Variants in ABCA9 observed in about 807,000 individuals in gnomAD.
ABCA9 encodes the protein ATP-binding cassette sub-family A member 9.
Under a neutral mutation model 205.3 loss-of-function variants are expected in ABCA9, and 183 were observed. That is an observed-to-expected ratio of 0.89 (90% CI 0.79 to 1.01). The LOEUF (loss-of-function observed/expected upper bound fraction) is 1.01. ABCA9 is among the 50% of genes least tolerant of loss of function. ABCA9 has a pLI of 0.00. For synonymous variants in ABCA9, 651 were observed against 683.3 expected (o/e 0.95, Z 0.74); for missense variants, 1,805 against 1,912.4 (o/e 0.94, Z 1.05).
chr17:69,013,421 T>C (rs180977237), intron 22 of ABCA9, among the ~76,000 whole-genome samples: 181 of 152,156 alleles, frequency 1.2e-3, no homozygotes, highest in African/African-American at 4.2e-3. Flanking sequence ...TGTCTAAAGA[T>C]GTGTTTGTGT....
the ABCA9 span, among the ~76,000 whole-genome samples, chr17:69,070,225 T>C: frequency 3.9e-5 from 6 of 152,018 alleles, no homozygotes; most frequent in African/African-American, 1.4e-4. Flanking sequence ...ATATAATAGA[T>C]AAGAAAAAGA....
intron 29 of ABCA9, among the ~76,000 whole-genome samples, chr17:68,990,492 C>G (rs2069412117): frequency 6.6e-6 from 1 of 152,188 alleles, no homozygotes; most frequent in African/African-American, 2.4e-5. Context: ...AGTGAGCTTC[C>G]AGCCTCAGCC....
Position 69,016,361 on chromosome 17 carries a change from T to A in ABCA9, c.2931A>T (p.Thr977=), listed in dbSNP as rs369150718. 2.5e-6 allele frequency: 4 copies of A among 1,600,606 alleles called. No individual in the cohort carries two copies. The Admixed American group carries it at 5.3e-5, about 21-fold the overall frequency. Residue 977 remains threonine (T), a synonymous_variant, in exon 22 of 39, where the codon ACA becomes ACT. Transcript: ENST00000340001. ...KDHRFSIACN[T]KRLNCFPVLL... Reference sequence around the variant, plus strand: ...GGACAGGAAAGCAATTCAGCCGTTTTGTATTACATGCTATTGAAAATCTGT... The same window carrying A: ...GGACAGGAAAGCAATTCAGCCGTTTAGTATTACATGCTATTGAAAATCTGT...
intron 8 of ABCA9, 174 bp downstream of exon 8, chr17:69,035,072 T>G: frequency 4.2e-6 from 2 of 473,768 alleles, no homozygotes; most frequent in Admixed American, 4.3e-5. Flanking sequence ...ATTTAGTGAC[T>G]TATGGGGAAA....
At chr17:69,074,326 C>T in the ABCA9 span, among the ~76,000 whole-genome samples, 1 of 152,232 alleles carries the variant, frequency 6.6e-6, no homozygotes, top group Non-Finnish European at 1.5e-5. Context: ...TTGCATGATG[C>T]TGTGTTTGGG....
intron 25 of ABCA9, among the ~76,000 whole-genome samples, chr17:69,004,226 G>T (rs1173547486): frequency 6.6e-6 from 1 of 152,170 alleles, no homozygotes; most frequent in African/African-American, 2.4e-5. Flanking sequence ...TTTCTGTTCT[G>T]TTTTTTCCCC....
chr17:69,001,020 G>A (rs1392749320), intron 25 of ABCA9, among the ~76,000 whole-genome samples: 1 of 152,046 alleles, frequency 6.6e-6, no homozygotes. Flanking sequence ...GAGATTTTGG[G>A]CTGAGACAGT....
intron 26 of ABCA9, 21 bp downstream of exon 26, chr17:68,995,874 G>C: frequency 6.2e-7 from 1 of 1,612,628 alleles, no homozygotes; most frequent in East Asian, 2.2e-5. Flanking sequence ...ATGACCCTCA[G>C]ACAGAAGTGG....
rs545540042 is a variant in ABCA9 at position 69,054,904 on chromosome 17, A to G, written c.-13-3765T>C. Among the ~76,000 whole-genome samples the G allele has an allele frequency of 3.3e-5, 5 of 152,270 alleles. No individual in the cohort carries two copies. The East Asian group carries it at 7.7e-4, about 23-fold the overall frequency. On this transcript the variant is annotated intron_variant, in intron 1 of 38. Coordinates refer to ENST00000340001, the MANE Select transcript of ABCA9 (RefSeq NM_080283.4). ...TGACTTGGATTAATTGTAAATATATATTGCAAACTCTAAGGATTTAATTTG... is the reference window on the plus strand; with the variant it reads ...TGACTTGGATTAATTGTAAATATATGTTGCAAACTCTAAGGATTTAATTTG...
At chr17:69,049,092 A>C (rs1188996595) in intron 3 of ABCA9, among the ~76,000 whole-genome samples, 191 bp downstream of exon 3, 1 of 152,216 alleles carries the variant, frequency 6.6e-6, no homozygotes, top group African/African-American at 2.4e-5. Flanking sequence ...AACCCTTTTA[A>C]TATGGAATTT....
intron 6 of ABCA9, among the ~76,000 whole-genome samples, chr17:69,039,931 T>C (rs549235012): frequency 1.3e-5 from 2 of 152,276 alleles, no homozygotes; most frequent in East Asian, 1.9e-4. Flanking sequence ...AAGACACTTA[T>C]GCAGCCAACA....
At position 69,044,513 on chromosome 17, in the gene ABCA9, T is replaced by G. The variant is rs202186227; in HGVS notation, c.557A>C (p.Asn186Thr). Residue 186 changes from asparagine (N) to threonine (T), a missense_variant, in exon 5 of 39, where the codon AAT (asparagine) becomes ACT (threonine). Transcript: ENST00000340001. The stretch of plus-strand genomic sequence containing the variant: ...TATACTCACTTCTATGATAGCAGCA[T>G]TAATGGCAGCTTGAAAAGCTACAAA... The part of the protein sequence containing the change: ...KGFVAFQAAI[N>T]AAIIEIATNH... 6.2e-7 allele frequency: 1 copy of G among 1,613,046 alleles called. No individual in the cohort carries two copies.
chr17:69,062,913 A>G (rs1246885572), upstream of ABCA9, among the ~76,000 whole-genome samples: 2 of 111,812 alleles, frequency 1.8e-5, no homozygotes, highest in African/African-American at 5.0e-5. Context: ...ACCATAATGT[A>G]CACTTTTTTT....
upstream of ABCA9, among the ~76,000 whole-genome samples, chr17:69,065,822 G>A (rs749218603): frequency 2.0e-4 from 31 of 152,126 alleles, no homozygotes; most frequent in Admixed American, 1.4e-3. Context: ...CCTTGTGGGA[G>A]GTAATTGAAT....
At chr17:68,996,689 G>A (rs764093165) in intron 25 of ABCA9, among the ~76,000 whole-genome samples, 4 of 152,074 alleles carry the variant, frequency 2.6e-5, no homozygotes, top group Non-Finnish European at 4.4e-5. Flanking sequence ...ATTTATTGTA[G>A]GCATCGTTGA....
chr17:69,040,721 T>TA (rs902255013), intron 6 of ABCA9, among the ~76,000 whole-genome samples: 4 of 151,536 alleles, frequency 2.6e-5, no homozygotes, highest in African/African-American at 9.7e-5. Flanking sequence ...TAAAGTATGA[T>TA]AAAAAATGTA....
Position 69,049,392 on chromosome 17 carries a change from C to T in ABCA9, c.195G>A (p.Leu65=). 1 of 1,613,010 alleles carries T rather than the reference C, an allele frequency of 6.2e-7. No homozygotes were observed. The highest frequency in any genetic ancestry group is 8.5e-7 in the Non-Finnish European group (1 of 1,179,312). ...TATCATTAAAACTATCTACACGTCC[C>T]AGATCCATTGAAGACATTTGAGGAG... ...HDTPQMSSMD[L]GRVDSFNDTN... Residue 65 remains leucine (L), a synonymous_variant, in exon 3 of 39, where the codon CTG becomes CTA. Coordinates refer to ENST00000340001, the MANE Select transcript of ABCA9 (RefSeq NM_080283.4).
chr17:69,031,999 G>A, intron 10 of ABCA9, 109 bp downstream of exon 10: 3 of 976,558 alleles, frequency 3.1e-6, no homozygotes, highest in Non-Finnish European at 4.6e-6. Flanking sequence ...GCTGGCTGTA[G>A]GTGGGTACAG....
chr17:69,032,053 G>T, intron 10 of ABCA9, 55 bp downstream of exon 10: 1 of 1,522,598 alleles, frequency 6.6e-7, no homozygotes, highest in Non-Finnish European at 8.9e-7. Context: ...TCACCTGACA[G>T]ATCCCCAGTC....
Sources: allele counts gnomAD v4.1 joint callset (sites outside exome capture counted in the v4.1 genomes callset), GRCh38; gene constraint gnomAD v4.1.1; transcripts MANE v1.5; gene names NCBI Gene and HGNC (gene_info 2026-07-23, HGNC 2026-07-21).